CREB5: variants seen among roughly 807,000 people sequenced by gnomAD.
CREB5 encodes the protein cAMP responsive element binding protein 5, also known as cyclic AMP-responsive element-binding protein 5.
Under a neutral mutation model 57.1 loss-of-function variants are expected in CREB5, and 19 were observed. That is an observed-to-expected ratio of 0.33 (90% CI 0.23 to 0.49). The LOEUF is 0.49. Ranked by LOEUF, CREB5 falls within the 20% of genes least tolerant of loss-of-function variation. The pLI, the probability that CREB5 is intolerant of heterozygous loss-of-function variation, is 0.99. For synonymous variants in CREB5, 238 were observed against 238.3 expected (o/e 1.00, Z 0.01); for missense variants, 579 against 671.6 (o/e 0.86, Z 1.52).
chr7:28,559,809 G>C (rs1183531838), intron 4 of CREB5, among the ~76,000 whole-genome samples: 1 of 152,236 alleles, frequency 6.6e-6, no homozygotes, highest in Non-Finnish European at 1.5e-5. Context: ...CGATAGAAGA[G>C]AAAACAAGAG....
At chr7:28,410,552 C>A, upstream of CREB5, 2 of 456,716 alleles carry the variant, frequency 4.4e-6, no homozygotes, top group Non-Finnish European at 8.8e-6. Context: ...GTAGATAAAG[C>A]CCTAGACCTT....
intron 7 of CREB5, among the ~76,000 whole-genome samples, chr7:28,733,150 G>GAGATTAA (rs569306281): frequency 2.6e-5 from 4 of 152,262 alleles, no homozygotes; most frequent in Admixed American, 1.3e-4. Flanking sequence ...TTGTATTCCA[G>GAGATTAA]AGATTAAAAA....
intron 5 of CREB5, among the ~76,000 whole-genome samples, chr7:28,637,020 A>G (rs1303666364): frequency 4.6e-5 from 7 of 151,962 alleles, no homozygotes; most frequent in African/African-American, 1.7e-4. Context: ...CAGGTATGGT[A>G]GTGTGTGCCT....
intron 1 of CREB5, among the ~76,000 whole-genome samples, chr7:28,419,456 ATGGGTGAG>A (rs777468428): frequency 9.9e-3 from 1,502 of 152,272 alleles, no homozygotes; most frequent in Non-Finnish European, 0.017. Context: ...TGTGTCTTTG[ATGGGTGAG>A]CTGTTGATTA....
chr7:28,439,370 GC>G (rs1174591124), intron 1 of CREB5, among the ~76,000 whole-genome samples: 2 of 152,164 alleles, frequency 1.3e-5, no homozygotes, highest in Non-Finnish European at 2.9e-5. Flanking sequence ...CATCATCCTT[GC>G]AAACTACCAG....
intron 5 of CREB5, among the ~76,000 whole-genome samples, chr7:28,617,444 G>A (rs1444511761): frequency 6.6e-6 from 1 of 152,194 alleles, no homozygotes; most frequent in Non-Finnish European, 1.5e-5. Context: ...TCCACTGTGG[G>A]TGTGTTCATT....
chr7:28,386,790 G>T (rs1025841156), intron 1 of CREB5, among the ~76,000 whole-genome samples: 18 of 151,932 alleles, frequency 1.2e-4, no homozygotes, highest in Admixed American at 8.5e-4. Flanking sequence ...CTAATGTATT[G>T]TTACCCTGTG....
At chr7:28,487,023 A>C (rs1401375347) in intron 1 of CREB5, among the ~76,000 whole-genome samples, 1 of 152,030 alleles carries the variant, frequency 6.6e-6, no homozygotes, top group Non-Finnish European at 1.5e-5. Context: ...CATGTGTCTG[A>C]TGTTTATTTT....
intron 1 of CREB5, among the ~76,000 whole-genome samples, chr7:28,459,173 G>A (rs909184167): frequency 1.3e-5 from 2 of 152,160 alleles, no homozygotes; most frequent in African/African-American, 4.8e-5. Flanking sequence ...TGAGTGGTTT[G>A]TGGTGGTCAC....
chr7:28,381,668 A>G (rs1037889269), intron 1 of CREB5, among the ~76,000 whole-genome samples: 2 of 152,228 alleles, frequency 1.3e-5, no homozygotes, highest in African/African-American at 4.8e-5. Context: ...AGAATGAGCT[A>G]TATGGGTTTG....
intron 1 of CREB5, among the ~76,000 whole-genome samples, chr7:28,414,793 T>C (rs1249884959): frequency 2.0e-5 from 3 of 152,162 alleles, no homozygotes; most frequent in Admixed American, 6.5e-5. Flanking sequence ...AATTTTTTTT[T>C]TTATAAAAAG....
intron 1 of CREB5, among the ~76,000 whole-genome samples, chr7:28,394,880 C>A (rs1787306050): frequency 1.3e-5 from 2 of 152,138 alleles, no homozygotes; most frequent in Admixed American, 6.5e-5. Flanking sequence ...AAATAATTAT[C>A]TTATTTTCCT....
chr7:28,459,164 G>A (rs889994931), intron 1 of CREB5, among the ~76,000 whole-genome samples: 2 of 152,162 alleles, frequency 1.3e-5, no homozygotes, highest in Non-Finnish European at 2.9e-5. Context: ...AATTCAACCT[G>A]AGTGGTTTGT....
intron 5 of CREB5, among the ~76,000 whole-genome samples, chr7:28,713,950 GTTAT>G (rs765626298): frequency 1.3e-4 from 20 of 151,986 alleles, no homozygotes; most frequent in Non-Finnish European, 2.2e-4. Flanking sequence ...TCTATGGTCT[GTTAT>G]TTGTTTTCTG....
chr7:28,635,960 A>G (rs1018727104), intron 5 of CREB5, among the ~76,000 whole-genome samples: 7 of 152,324 alleles, frequency 4.6e-5, no homozygotes, highest in African/African-American at 1.4e-4. Flanking sequence ...ATATCCAGCA[A>G]CTTCTCAGTT....
At chr7:28,698,381 A>G (rs1293767245) in intron 5 of CREB5, among the ~76,000 whole-genome samples, 4 of 149,364 alleles carry the variant, frequency 2.7e-5, no homozygotes, top group Non-Finnish European at 4.4e-5. Flanking sequence ...ACACACTCAC[A>G]GGGCTAAGAG....
chr7:28,785,240 G>T (rs1194495136), intron 7 of CREB5, among the ~76,000 whole-genome samples: 3 of 152,166 alleles, frequency 2.0e-5, no homozygotes, highest in Non-Finnish European at 4.4e-5. Context: ...GAAGCATCTG[G>T]GTCGTATGTC....
chr7:28,712,038 G>A (rs76488414), intron 5 of CREB5, among the ~76,000 whole-genome samples: 25,885 of 152,098 alleles, frequency 0.17, 2,527 homozygotes, highest in Admixed American at 0.22. Context: ...CTGAGGCACA[G>A]AGAAGACAAG....
chr7:28,381,362 C>T (rs1444139887), intron 1 of CREB5, among the ~76,000 whole-genome samples: 1 of 152,126 alleles, frequency 6.6e-6, no homozygotes, highest in East Asian at 1.9e-4. Flanking sequence ...AGAGGTGCTA[C>T]TATTATCCTC....
Sources: allele counts gnomAD v4.1 joint callset (sites outside exome capture counted in the v4.1 genomes callset), GRCh38; gene constraint gnomAD v4.1.1; transcripts MANE v1.5; gene names NCBI Gene and HGNC (gene_info 2026-07-23, HGNC 2026-07-21).